GALNT2: variants seen among roughly 807,000 people sequenced by gnomAD.
GALNT2 encodes polypeptide N-acetylgalactosaminyltransferase 2, also known as UDP-GalNAc:polypeptide N-acetylgalactosaminyltransferase 2.
In GALNT2, 31 loss-of-function variants were observed where a neutral mutation model predicts 81.4. The ratio of observed to expected loss-of-function variants is 0.38; its 90% CI spans 0.29 to 0.51. The LOEUF (loss-of-function observed/expected upper bound fraction) is 0.51. GALNT2 is among the 20% of genes least tolerant of loss of function. GALNT2 has a pLI of 0.87. For missense variants in GALNT2, 629 were observed against 765.7 expected, an observed-to-expected ratio of 0.82 and a Z score of 2.11; for synonymous variants, 303 against 287.4, an observed-to-expected ratio of 1.05 and a Z score of -0.55.
chr1:230,191,277 A>G (rs534851123), intron 2 of GALNT2, among the ~76,000 whole-genome samples: 65 of 152,324 alleles, frequency 4.3e-4, no homozygotes, highest in African/African-American at 1.5e-3. Context: ...ATGCTGATAA[A>G]CTAGAGTTAG....
At chr1:230,127,872 A>G (rs1458767873) in intron 1 of GALNT2, among the ~76,000 whole-genome samples, 2 of 152,018 alleles carry the variant, frequency 1.3e-5, no homozygotes, top group African/African-American at 4.8e-5. Flanking sequence ...GGCATGTAAG[A>G]TGGGATGTCT....
intron 1 of GALNT2, among the ~76,000 whole-genome samples, chr1:230,082,737 A>G (rs1170760150): frequency 6.6e-6 from 1 of 152,274 alleles, no homozygotes; most frequent in Non-Finnish European, 1.5e-5. Flanking sequence ...AGTGCTAGTT[A>G]GACAGCTGGG....
rs564224915 is a variant in GALNT2 at position 230,279,204 on chromosome 1, T to C, written c.1561-99T>C. 3.1e-6 allele frequency: 4 copies of C among 1,309,948 alleles called. No homozygotes were observed. The highest frequency in any genetic ancestry group is 1.5e-5 in the African/African-American group (1 of 66,876). 81.1% of individuals were successfully genotyped at this position (1,309,948 alleles called of 1,614,324 possible). On this transcript the variant is annotated intron_variant, in intron 15 of 15. Coordinates refer to ENST00000366672, the MANE Select transcript of GALNT2 (RefSeq NM_004481.5). This position sits in a 1 kb window ranked among gnomAD's most constrained non-coding sequence, Gnocchi z 4.6. ...AGGCTGGGAAAAACGTGTCTATCTG[T>C]GAGTTTTTAATGCAGCCACAAGGTC...
At chr1:230,144,610 G>T (rs148318282) in intron 1 of GALNT2, among the ~76,000 whole-genome samples, 1 of 152,124 alleles carries the variant, frequency 6.6e-6, no homozygotes. Context: ...CCAGGATTTC[G>T]CCATGCTTAT....
chr1:230,233,484 G>A (rs1398806356), intron 3 of GALNT2, among the ~76,000 whole-genome samples: 1 of 152,120 alleles, frequency 6.6e-6, no homozygotes, highest in Non-Finnish European at 1.5e-5. Context: ...ATGGTGATGG[G>A]CACCTGTAGT....
chr1:230,245,825 G>A (rs1665351229), intron 7 of GALNT2, among the ~76,000 whole-genome samples: 1 of 152,122 alleles, frequency 6.6e-6, no homozygotes, highest in African/African-American at 2.4e-5. Context: ...CTCCTGCTAC[G>A]CACCCACTCC....
intron 1 of GALNT2, among the ~76,000 whole-genome samples, chr1:230,082,298 G>T (rs1169911294): frequency 6.6e-6 from 1 of 152,244 alleles, no homozygotes; most frequent in Admixed American, 6.5e-5. Flanking sequence ...TTCTCTAATC[G>T]GTCAAAGTGC....
At chr1:230,080,446 C>T (rs544377367) in intron 1 of GALNT2, among the ~76,000 whole-genome samples, 30 of 152,340 alleles carry the variant, frequency 2.0e-4, no homozygotes, top group South Asian at 1.0e-3. Flanking sequence ...GCTCTGACCA[C>T]TTGCCATTTA....
At chr1:230,225,695 T>TA (rs1553270873) in intron 3 of GALNT2, among the ~76,000 whole-genome samples, 1 of 151,262 alleles carries the variant, frequency 6.6e-6, no homozygotes, top group Non-Finnish European at 1.5e-5. Flanking sequence ...TTTTTTTTTT[T>TA]AACCTCTGTG....
intron 6 of GALNT2, among the ~76,000 whole-genome samples, chr1:230,239,976 G>A (rs975698366): frequency 1.3e-5 from 2 of 151,996 alleles, no homozygotes; most frequent in African/African-American, 2.4e-5. Context: ...ATGTACTATC[G>A]TTATCATGCT....
rs1666270133 is a variant in GALNT2 at position 230,275,419 on chromosome 1, C to T, written c.1560+855C>T. Among the ~76,000 whole-genome samples, 6 of 151,118 alleles carry T rather than the reference C, an allele frequency of 4.0e-5. No homozygotes were observed. The South Asian group carries it at 1.2e-3, about 31-fold the overall frequency. On this transcript the variant is annotated intron_variant, in intron 15 of 15. Coordinates refer to ENST00000366672, the MANE Select transcript of GALNT2 (RefSeq NM_004481.5). This position sits in a 1 kb window ranked among gnomAD's most constrained non-coding sequence, Gnocchi z 5.5. ...CACATATATACATATGTAAACACCA[C>T]ATATATACACACCACATATATATAC...
chr1:230,166,426 A>G (rs890270656), intron 1 of GALNT2, among the ~76,000 whole-genome samples: 1 of 152,164 alleles, frequency 6.6e-6, no homozygotes, highest in Non-Finnish European at 1.5e-5. Flanking sequence ...TACTTTCACC[A>G]TCTTTCTAAA....
Position 230,182,876 on chromosome 1 carries a change from G to C in GALNT2, c.220+4565G>C, listed in dbSNP as rs1485851384. On this transcript the variant is annotated intron_variant, in intron 2 of 15. Transcript: ENST00000366672. ...GTGAGTTCATTTATTTCTCCTTGCA[G>C]TTCTATCTATCATGAACTGCATGGA... Among the ~76,000 whole-genome samples the C allele has an allele frequency of 3.9e-5, 6 of 152,142 alleles. No individual in the cohort carries two copies. The East Asian group carries it at 1.2e-3, about 29-fold the overall frequency.
intron 3 of GALNT2, among the ~76,000 whole-genome samples, chr1:230,207,515 G>A (rs987968125): frequency 6.6e-6 from 1 of 152,186 alleles, no homozygotes; most frequent in Non-Finnish European, 1.5e-5. Flanking sequence ...ACAAAAGCCA[G>A]CTGTGAGTGA....
chr1:230,251,654 A>C (rs1665548355), intron 10 of GALNT2, among the ~76,000 whole-genome samples: 1 of 152,190 alleles, frequency 6.6e-6, no homozygotes, highest in Admixed American at 6.5e-5. Flanking sequence ...CAGAATTGTT[A>C]ACCCTCTAAA....
At position 230,280,020 on chromosome 1, in the gene GALNT2, T is replaced by C. The variant is rs1666395035; in HGVS notation, c.*562T>C. 1 of 456,070 alleles carries C rather than the reference T, an allele frequency of 2.2e-6. No individual in the cohort carries two copies. The highest frequency in any genetic ancestry group is 4.4e-6 in the Non-Finnish European group (1 of 226,788). The allele number at this position is 456,070 out of a possible 1,614,324, so 28.3% of individuals were successfully genotyped here. A position where few individuals can be genotyped will look rare whatever the true frequency, so the allele number is the denominator to read the frequency against. On this transcript the variant is annotated 3_prime_UTR_variant, in exon 16 of 16. Transcript: ENST00000366672. Reference sequence around the variant, plus strand: ...ACTCCCCTCCACCTCATGTACTTGCTATATTGAGGATGAAGTTTTCTATGG... The same window carrying C: ...ACTCCCCTCCACCTCATGTACTTGCCATATTGAGGATGAAGTTTTCTATGG...
At chr1:230,228,576 A>G (rs1172791867) in intron 3 of GALNT2, among the ~76,000 whole-genome samples, 2 of 152,084 alleles carry the variant, frequency 1.3e-5, no homozygotes, top group African/African-American at 4.8e-5. Flanking sequence ...AAAAGAGATT[A>G]TGGATCTCCT....
At chr1:230,119,925 GCTGTATA>G (rs1199481279) in intron 1 of GALNT2, among the ~76,000 whole-genome samples, 2 of 152,108 alleles carry the variant, frequency 1.3e-5, no homozygotes, top group Non-Finnish European at 2.9e-5. Context: ...GGACCGTGTT[GCTGTATA>G]CTGTGGTAAG....
At chr1:230,157,580 C>T (rs978825949) in intron 1 of GALNT2, among the ~76,000 whole-genome samples, 4 of 152,146 alleles carry the variant, frequency 2.6e-5, no homozygotes, top group Non-Finnish European at 2.9e-5. Context: ...AACTGTCCCA[C>T]GACTGGGGAA....
Sources: allele counts gnomAD v4.1 joint callset (sites outside exome capture counted in the v4.1 genomes callset), GRCh38; gene constraint gnomAD v4.1.1; non-coding constraint Gnocchi (gnomAD v3.1); transcripts MANE v1.5; gene names NCBI Gene and HGNC (gene_info 2026-07-23, HGNC 2026-07-21).